BRAF: variants seen among roughly 807,000 people sequenced by gnomAD.
BRAF encodes B-Raf proto-oncogene, serine/threonine kinase.
Under a neutral mutation model 104.6 loss-of-function variants are expected in BRAF, and 16 were observed. The ratio of observed to expected loss-of-function variants is 0.15; its 90% confidence interval spans 0.10 to 0.23. The LOEUF is 0.23. BRAF is among the 10% of genes least tolerant of loss of function. BRAF has a pLI of 1.00. For synonymous variants in BRAF, 310 were observed against 341.6 expected, an observed-to-expected ratio of 0.91 and a Z score of 1.02; for missense variants, 541 against 937.3, an observed-to-expected ratio of 0.58 and a Z score of 5.52.
In BRAF at chr7:140,719,982, A is replaced by ATCTCCCTTTCC; in HGVS notation, c.*6501_*6511dup. 8.5e-6 allele frequency: 9 copies of ATCTCCCTTTCC among 1,062,798 alleles called. No homozygotes were observed. The highest frequency in any genetic ancestry group is 1.0e-5 in the Non-Finnish European group (9 of 877,684). 65.8% of individuals were successfully genotyped at this position (1,062,798 alleles called of 1,614,324 possible). A position where few individuals can be genotyped will look rare whatever the true frequency, so the allele number is the denominator to read the frequency against. Reference sequence around the variant, plus strand: ...ATTCACTGCAGTTCAAACAGGAAGCATCTCCCTTTCCTCTCCCTTACAGGA... The same window carrying ATCTCCCTTTCC: ...ATTCACTGCAGTTCAAACAGGAAGCATCTCCCTTTCCTCTCCCTTTCCTCTCCCTTACAGGA... On this transcript the variant is annotated 3_prime_UTR_variant, in exon 20 of 20. Coordinates refer to ENST00000644969, the MANE Select transcript of BRAF (RefSeq NM_001374258.1).
intron 14 of BRAF, among the ~76,000 whole-genome samples, chr7:140,763,083 C>T (rs1227253629): frequency 8.2e-4 from 125 of 152,368 alleles, no homozygotes; most frequent in Non-Finnish European, 2.6e-4. Flanking sequence ...TCCACAAAAC[C>T]GCCATTGTCA....
chr7:140,855,179 G>A (rs567791576), intron 1 of BRAF, among the ~76,000 whole-genome samples: 4 of 151,928 alleles, frequency 2.6e-5, no homozygotes, highest in Admixed American at 2.6e-4. Context: ...ATAAAATAGA[G>A]ATATATTAAA....
intron 3 of BRAF, among the ~76,000 whole-genome samples, chr7:140,825,350 T>C (rs549057055): frequency 3.1e-4 from 47 of 152,172 alleles, no homozygotes; most frequent in Non-Finnish European, 5.3e-4. Flanking sequence ...ACAAAGATTA[T>C]CAATCTGTGG....
chr7:140,906,288 A>G (rs955135244), intron 1 of BRAF, among the ~76,000 whole-genome samples: 7 of 151,812 alleles, frequency 4.6e-5, no homozygotes, highest in Admixed American at 4.6e-4. Flanking sequence ...TGCAGCCTCA[A>G]CCTCCTGGGC....
chr7:140,907,742 A>T (rs1290416758), intron 1 of BRAF, among the ~76,000 whole-genome samples: 1 of 150,688 alleles, frequency 6.6e-6, no homozygotes, highest in African/African-American at 2.4e-5. Flanking sequence ...CATGAACCAA[A>T]GTAACTTTTT....
intron 7 of BRAF, 55 bp from the exon 8 acceptor site, chr7:140,794,522 T>C: frequency 1.9e-6 from 3 of 1,563,138 alleles, no homozygotes; most frequent in Admixed American, 1.7e-5. Flanking sequence ...ATAAAGGTAA[T>C]AATATTTAAA....
intron 1 of BRAF, among the ~76,000 whole-genome samples, chr7:140,888,003 G>A (rs1220101790): frequency 2.0e-5 from 3 of 151,972 alleles, no homozygotes; most frequent in Admixed American, 2.0e-4. Flanking sequence ...CTCCCAAGTA[G>A]CTGGGACTAC....
At chr7:140,921,079 A>T (rs1331845973) in intron 1 of BRAF, among the ~76,000 whole-genome samples, 1 of 152,236 alleles carries the variant, frequency 6.6e-6, no homozygotes, top group Non-Finnish European at 1.5e-5. Context: ...TGACGATCAG[A>T]GATCTTGAAA....
At chr7:140,794,760 GA>G (rs1046741874) in intron 7 of BRAF, among the ~76,000 whole-genome samples, 1 of 152,164 alleles carries the variant, frequency 6.6e-6, no homozygotes, top group African/African-American at 2.4e-5. Flanking sequence ...GCCATCAACT[GA>G]AGAAGTTCAA....
chr7:140,899,128 T>A (rs1162235416), intron 1 of BRAF, among the ~76,000 whole-genome samples: 1 of 152,186 alleles, frequency 6.6e-6, no homozygotes, highest in African/African-American at 2.4e-5. Context: ...CTTCATATAT[T>A]CACACATTTC....
chr7:140,733,818 G>A (rs1485475443), intron 19 of BRAF: 5 of 193,690 alleles, frequency 2.6e-5, no homozygotes, highest in African/African-American at 1.2e-4. Flanking sequence ...GAGATTGGGT[G>A]TGAAGGGAGC....
Position 140,726,301 on chromosome 7 carries a change from G to C in BRAF, c.*193C>G. ...TTTTGTTGAAGAAACACTGGCAGCA[G>C]AGAATTCTGGTTCCTAAAACATTCT... is the stretch of plus-strand genomic sequence containing the variant. On this transcript the variant is annotated 3_prime_UTR_variant, in exon 20 of 20. Coordinates refer to ENST00000644969, the MANE Select transcript of BRAF (RefSeq NM_001374258.1). The C allele has an allele frequency of 2.1e-6, 3 of 1,420,204 alleles. No individual in the cohort carries two copies. The highest frequency in any genetic ancestry group is 2.7e-6 in the Non-Finnish European group (3 of 1,094,856). The allele number at this position is 1,420,204 out of a possible 1,614,324, so 88.0% of individuals were successfully genotyped here. A position where few individuals can be genotyped will look rare whatever the true frequency, so the allele number is the denominator to read the frequency against.
chr7:140,886,574 T>C (rs1368393835), intron 1 of BRAF, among the ~76,000 whole-genome samples: 1 of 152,192 alleles, frequency 6.6e-6, no homozygotes, highest in Non-Finnish European at 1.5e-5. Context: ...TGCTATTCCT[T>C]CTTCCTGGAA....
At chr7:140,822,800 G>C (rs11979913) in intron 3 of BRAF, among the ~76,000 whole-genome samples, 4,196 of 152,250 alleles carry the variant, frequency 0.028, 205 homozygotes, top group African/African-American at 0.094. Flanking sequence ...GGAGTAGAAG[G>C]GCTGTGTGAT....
chr7:140,743,047 C>G (rs1177263798), intron 17 of BRAF, among the ~76,000 whole-genome samples: 11 of 152,312 alleles, frequency 7.2e-5, no homozygotes, highest in African/African-American at 2.2e-4. Context: ...CAGTTAGAAT[C>G]ACAATCATTA....
intron 14 of BRAF, among the ~76,000 whole-genome samples, chr7:140,757,586 C>A (rs1054240533): frequency 1.3e-5 from 2 of 152,134 alleles, no homozygotes; most frequent in African/African-American, 4.8e-5. Flanking sequence ...CCACGCCCAG[C>A]CTTAGGATTT....
chr7:140,764,450 C>A (rs1286464457), intron 14 of BRAF, among the ~76,000 whole-genome samples: 4 of 149,622 alleles, frequency 2.7e-5, no homozygotes, highest in Non-Finnish European at 4.4e-5. Flanking sequence ...CTGGCCAGGG[C>A]AATCAGGCAG....
At chr7:140,793,390 T>A (rs1004963286) in intron 8 of BRAF, among the ~76,000 whole-genome samples, 3 of 152,118 alleles carry the variant, frequency 2.0e-5, no homozygotes, top group East Asian at 3.8e-4. Flanking sequence ...AAACTAGTAC[T>A]AGAAAAAAGT....
At chr7:140,889,932 A>G (rs1450057011) in intron 1 of BRAF, among the ~76,000 whole-genome samples, 1 of 152,252 alleles carries the variant, frequency 6.6e-6, no homozygotes, top group Non-Finnish European at 1.5e-5. Context: ...TCCAAGTCCC[A>G]AATCTTCCAC....
Sources: gnomAD v4.1 joint callset for allele counts (sites outside exome capture counted in the v4.1 genomes callset) on GRCh38, gnomAD v4.1.1 for gene constraint, MANE v1.5 for transcripts, NCBI Gene and HGNC (gene_info 2026-07-23, HGNC 2026-07-21) for gene names.